Variants in RERE observed in about 807,000 individuals in gnomAD.
The protein encoded by RERE is arginine-glutamic acid dipeptide repeats.
Under a neutral mutation model 146.1 loss-of-function variants are expected in RERE, and 40 were observed. That is an observed-to-expected ratio of 0.27 (90% CI 0.21 to 0.36). The LOEUF is 0.36. RERE is among the 10% of genes least tolerant of loss of function. The pLI is 1.00. For missense variants in RERE, 1,933 were observed against 2,138.7 expected (o/e 0.90, Z 1.90); for synonymous variants, 1,003 against 866.0 (o/e 1.16, Z -2.78).
intron 11 of RERE, among the ~76,000 whole-genome samples, chr1:8,456,497 G>A (rs1644454841): frequency 6.6e-6 from 1 of 152,138 alleles, no homozygotes; most frequent in Non-Finnish European, 1.5e-5. Flanking sequence ...GAAGTCAGAG[G>A]AATGCATGAC....
intron 3 of RERE, among the ~76,000 whole-genome samples, chr1:8,622,342 C>T (rs1646925080): frequency 6.6e-6 from 1 of 151,914 alleles, no homozygotes; most frequent in Non-Finnish European, 1.5e-5. Flanking sequence ...ATATATTTTT[C>T]ACGGTGCACT....
In RERE at chr1:8,775,096, G is replaced by T. The variant is rs879696828; in HGVS notation, c.-145+42064C>A. Among the ~76,000 whole-genome samples the T allele has an allele frequency of 2.6e-5, 4 of 151,484 alleles. No individual in the cohort carries two copies. In the East Asian group the frequency reaches 7.8e-4, roughly 30 times the overall value. ...CTGCCTCAGCCTCCCAAGTAGCTGG[G>T]ATTACAGGCGCACGCCACCACGCCC... On this transcript the variant is annotated intron_variant, in intron 1 of 22. Transcript: ENST00000400908.
At chr1:8,647,202 T>C (rs1339380054) in intron 2 of RERE, among the ~76,000 whole-genome samples, 2 of 152,172 alleles carry the variant, frequency 1.3e-5, no homozygotes, top group African/African-American at 4.8e-5. Flanking sequence ...AGCCACAGCA[T>C]CCCTAACATA....
At chr1:8,511,316 A>G (rs1057266883) in intron 7 of RERE, among the ~76,000 whole-genome samples, 3 of 152,240 alleles carry the variant, frequency 2.0e-5, no homozygotes, top group African/African-American at 7.2e-5. Context: ...TAAGTAGGCT[A>G]TAACATGAAA....
intron 1 of RERE, among the ~76,000 whole-genome samples, chr1:8,803,456 G>A (rs186260046): frequency 1.9e-3 from 285 of 152,120 alleles, no homozygotes; most frequent in African/African-American, 6.7e-3. Flanking sequence ...GGGACAGAGT[G>A]AGACTCTGTC....
chr1:8,544,096 T>C lies in RERE; in HGVS notation c.726-2778A>G, dbSNP rs796790250. Among the ~76,000 whole-genome samples the C allele has an allele frequency of 4.6e-5, 7 of 152,298 alleles. 1 individual carries two copies. The highest frequency in any genetic ancestry group is 1.7e-4 in the African/African-American group (7 of 41,562). On this transcript the variant is annotated intron_variant, in intron 6 of 22. Transcript: ENST00000400908. ...AGCTTTACAGACAATCAAACCATAA[T>C]CATAGTATTGGAAATAATTGACTGG...
At chr1:8,454,827 C>CAACA (rs1644432819) in intron 11 of RERE, among the ~76,000 whole-genome samples, 3 of 148,912 alleles carry the variant, frequency 2.0e-5, no homozygotes, top group African/African-American at 4.9e-5. Context: ...AAACAAACAA[C>CAACA]AAAAAAAAAC....
At chr1:8,759,094 A>G (rs1640702960) in intron 1 of RERE, among the ~76,000 whole-genome samples, 1 of 152,170 alleles carries the variant, frequency 6.6e-6, no homozygotes, top group Non-Finnish European at 1.5e-5. Context: ...TGGGCAACAC[A>G]GTGAGACTCC....
chr1:8,460,362 G>A (rs1023315886), intron 11 of RERE, among the ~76,000 whole-genome samples: 5 of 152,100 alleles, frequency 3.3e-5, no homozygotes, highest in Admixed American at 2.6e-4. Flanking sequence ...TTCCTTGACC[G>A]GCCGCACGGG....
intron 12 of RERE, among the ~76,000 whole-genome samples, chr1:8,389,640 C>G (rs997343106): frequency 2.0e-5 from 3 of 152,142 alleles, no homozygotes; most frequent in African/African-American, 7.2e-5. Flanking sequence ...CTTTGGTAAC[C>G]CATGCTTTGC....
intron 1 of RERE, chr1:8,703,301 T>C (rs1157514697): frequency 6.7e-6 from 1 of 149,772 alleles, no homozygotes; most frequent in Non-Finnish European, 1.5e-5. Flanking sequence ...CGCCCGCGGC[T>C]AGGGAGGCGG....
chr1:8,665,702 G>C (rs1638555696), intron 1 of RERE, among the ~76,000 whole-genome samples: 1 of 152,116 alleles, frequency 6.6e-6, no homozygotes. Context: ...AGGGATAATG[G>C]AATGCCCCCA....
At chr1:8,749,787 G>A (rs1640493693) in intron 1 of RERE, among the ~76,000 whole-genome samples, 2 of 152,146 alleles carry the variant, frequency 1.3e-5, no homozygotes, top group African/African-American at 4.8e-5. Context: ...GAATCTGGAG[G>A]GTTTTAAGGA....
At position 8,469,831 on chromosome 1, in the gene RERE, T is replaced by C. The variant is rs770354472; in HGVS notation, c.1105-3808A>G. 3.9e-5 allele frequency among the ~76,000 whole-genome samples: 6 copies of C among 152,330 alleles called. No individual in the cohort carries two copies. The East Asian group carries it at 7.7e-4, about 20-fold the overall frequency. On this transcript the variant is annotated intron_variant, in intron 10 of 22. Transcript: ENST00000400908. Reference sequence around the variant, plus strand: ...TGGAAGAGATGCTTCCACTGAAGTGTTGAACATCTCGTTGTGGTTGTTCCG... The same window carrying C: ...TGGAAGAGATGCTTCCACTGAAGTGCTGAACATCTCGTTGTGGTTGTTCCG...
chr1:8,360,311 C>A lies in RERE; in HGVS notation c.3196G>T (p.Ala1066Ser), dbSNP rs1381328780. 3 of 1,539,170 alleles carry A rather than the reference C, an allele frequency of 1.9e-6. No individual in the cohort carries two copies. ...STPPAGPGTS[A>S]QPPCSGAAAS... is the part of the protein sequence containing the mutation. Reference sequence around the variant, plus strand: ...GCCGCACCAGAGCAGGGTGGCTGGGCCGAGGTGCCAGGTCCCGCCGGTGGG... The same window carrying A: ...GCCGCACCAGAGCAGGGTGGCTGGGACGAGGTGCCAGGTCCCGCCGGTGGG... Residue 1066 changes from alanine to serine, a missense_variant, in exon 18 of 23, where the codon GCC becomes TCC. Ala to Ser is a moderately conservative substitution (Grantham distance 99). Around this residue, in one of 11 missense-constraint regions of RERE, gnomAD observed 1,255 missense variants for 1,153.8 expected, o/e 1.09. Transcript: ENST00000400908.
At chr1:8,457,908 G>A (rs1644471660) in intron 11 of RERE, among the ~76,000 whole-genome samples, 1 of 152,096 alleles carries the variant, frequency 6.6e-6, no homozygotes, top group Non-Finnish European at 1.5e-5. Context: ...GCCTAAGGGA[G>A]ACTTTAGATT....
At chr1:8,374,214 A>G (rs1440624964) in intron 12 of RERE, among the ~76,000 whole-genome samples, 1 of 152,122 alleles carries the variant, frequency 6.6e-6, no homozygotes, top group Non-Finnish European at 1.5e-5. Context: ...CCACCTCCAG[A>G]TCCTCTTCTG....
chr1:8,705,489 A>G (rs1346252849), intron 1 of RERE, among the ~76,000 whole-genome samples: 2 of 152,162 alleles, frequency 1.3e-5, no homozygotes, highest in African/African-American at 4.8e-5. Context: ...ACTTTTTCAG[A>G]GAAGCTTCCC....
At chr1:8,816,265 A>AT (rs1247650607) in intron 1 of RERE, among the ~76,000 whole-genome samples, 2 of 110,872 alleles carry the variant, frequency 1.8e-5, no homozygotes, top group Non-Finnish European at 4.5e-5. Context: ...ATTCGCTGTG[A>AT]AGAAGGCTAT....
Sources: allele counts gnomAD v4.1 joint callset (sites outside exome capture counted in the v4.1 genomes callset), GRCh38; gene constraint gnomAD v4.1.1; regional missense constraint gnomAD v4.1.1; transcripts MANE v1.5; gene names NCBI Gene and HGNC (gene_info 2026-07-23, HGNC 2026-07-21).